Variants in SIMC1 observed in about 807,000 individuals in gnomAD.
SIMC1 encodes SUMO-interacting motif-containing protein 1.
SIMC1 carries 55 observed loss-of-function variants against 82.3 expected under a neutral mutation model. The ratio of observed to expected loss-of-function variants is 0.67; its 90% CI spans 0.54 to 0.84. The LOEUF is 0.84. Ranked by LOEUF, SIMC1 falls within the 40% of genes least tolerant of loss-of-function variation. The pLI, the probability that SIMC1 is intolerant of heterozygous loss-of-function variation, is 0.00. For synonymous variants in SIMC1, 353 were observed against 426.3 expected (o/e 0.83, Z 2.12); for missense variants, 915 against 1,107.2 (o/e 0.83, Z 2.46).
chr5:176,336,911 C>G (rs1238422668), intron 8 of SIMC1, 35 bp downstream of exon 8: 1 of 1,612,522 alleles, frequency 6.2e-7, no homozygotes, highest in African/African-American at 1.3e-5. Flanking sequence ...AGGCCTAGAG[C>G]ACCTCTCTTT....
At chr5:176,319,218 C>A (rs538585443) in intron 5 of SIMC1, among the ~76,000 whole-genome samples, 3 of 152,332 alleles carry the variant, frequency 2.0e-5, no homozygotes, top group African/African-American at 7.2e-5. Flanking sequence ...ATGTGCTTAT[C>A]CTAGGTTTAT....
At chr5:176,299,034 T>A (rs1294698642) in intron 4 of SIMC1, among the ~76,000 whole-genome samples, 1 of 152,250 alleles carries the variant, frequency 6.6e-6, no homozygotes, top group Admixed American at 6.5e-5. Flanking sequence ...ATTAGCTGAA[T>A]GGACTAAAAA....
At chr5:176,251,556 GA>G (rs1416744458) in intron 1 of SIMC1, among the ~76,000 whole-genome samples, 2 of 151,552 alleles carry the variant, frequency 1.3e-5, no homozygotes, top group African/African-American at 4.8e-5. Context: ...GGCTGGATAT[GA>G]AATTCTGGGT....
chr5:176,271,572 G>A (rs1303142896), intron 1 of SIMC1, among the ~76,000 whole-genome samples: 3 of 151,936 alleles, frequency 2.0e-5, no homozygotes, highest in Non-Finnish European at 2.9e-5. Flanking sequence ...CCAGAGGCTA[G>A]GAAGGGGAGT....
intron 4 of SIMC1, chr5:176,308,380 A>G (rs2113330703): frequency 1.9e-6 from 3 of 1,587,146 alleles, no homozygotes; most frequent in Non-Finnish European, 2.6e-6. Context: ...GAGGCAGAGA[A>G]GTTGGCTGAA....
At chr5:176,338,922 G>A (rs1462191749) in intron 9 of SIMC1, among the ~76,000 whole-genome samples, 1 of 152,136 alleles carries the variant, frequency 6.6e-6, no homozygotes, top group Non-Finnish European at 1.5e-5. Flanking sequence ...TATAGAATGG[G>A]GATGATAGTA....
intron 4 of SIMC1, among the ~76,000 whole-genome samples, chr5:176,297,204 A>G (rs576600776): frequency 6.6e-5 from 10 of 152,334 alleles, no homozygotes; most frequent in African/African-American, 2.2e-4. Context: ...TGTATTGTCT[A>G]AAAAAGTTGA....
chr5:176,253,449 A>G (rs1044452350), intron 1 of SIMC1, among the ~76,000 whole-genome samples: 4 of 152,100 alleles, frequency 2.6e-5, no homozygotes, highest in Admixed American at 2.0e-4. Flanking sequence ...CCTGACCTCC[A>G]GTGATCCACC....
chr5:176,248,280 C>T (rs568913391), intron 1 of SIMC1, among the ~76,000 whole-genome samples: 98 of 152,168 alleles, frequency 6.4e-4, no homozygotes, highest in South Asian at 2.5e-3. Flanking sequence ...TCTTTTATTT[C>T]GTTGAGCAGT....
chr5:176,279,506 C>T (rs1252084691), intron 1 of SIMC1, among the ~76,000 whole-genome samples: 5 of 150,818 alleles, frequency 3.3e-5, no homozygotes, highest in Non-Finnish European at 1.5e-5. Flanking sequence ...TATTTCTTGC[C>T]TTCTGCTAGC....
chr5:176,321,160 T>C (rs898766163), intron 5 of SIMC1, among the ~76,000 whole-genome samples: 3 of 152,214 alleles, frequency 2.0e-5, no homozygotes, highest in Non-Finnish European at 4.4e-5. Flanking sequence ...TAAAATATAT[T>C]TTTTTACTTT....
intron 1 of SIMC1, among the ~76,000 whole-genome samples, chr5:176,256,361 T>G (rs1343774761): frequency 1.3e-5 from 2 of 152,290 alleles, no homozygotes; most frequent in East Asian, 3.9e-4. Context: ...TACTTATAAG[T>G]AAGTTTCTTC....
chr5:176,299,255 T>C lies in SIMC1; in HGVS notation c.1734+2935T>C, dbSNP rs1222549870. ...AAAAAAGTTTTTTACTTAGTAGGCA[T>C]AGTAACACACACCTGTTGTCCCAGC... On this transcript the variant is annotated intron_variant, in intron 4 of 9. Coordinates refer to ENST00000429602, the MANE Select transcript of SIMC1 (RefSeq NM_001308195.2). Among the ~76,000 whole-genome samples the C allele has an allele frequency of 2.0e-5, 3 of 152,272 alleles. No individual in the cohort carries two copies. In the East Asian group the frequency reaches 5.8e-4, roughly 29 times the overall value.
intron 4 of SIMC1, among the ~76,000 whole-genome samples, chr5:176,312,280 A>G (rs7723626): frequency 1.3e-4 from 20 of 151,906 alleles, no homozygotes; most frequent in African/African-American, 4.8e-4. Context: ...TCACGCCTAT[A>G]ATCCCAACAC....
chr5:176,269,799 G>A (rs561500805), intron 1 of SIMC1, among the ~76,000 whole-genome samples: 54 of 152,206 alleles, frequency 3.5e-4, no homozygotes, highest in Non-Finnish European at 5.4e-4. Flanking sequence ...AGGCTGGAGT[G>A]CAGTGGTGAC....
chr5:176,252,591 G>T (rs1294369739), intron 1 of SIMC1, among the ~76,000 whole-genome samples: 1 of 151,408 alleles, frequency 6.6e-6, no homozygotes, highest in African/African-American at 2.4e-5. Context: ...TGGCAGCCGG[G>T]AAGAGGCGCT....
intron 4 of SIMC1, among the ~76,000 whole-genome samples, chr5:176,303,215 CTGAGA>C (rs1764115801): frequency 2.0e-5 from 3 of 147,208 alleles, no homozygotes; most frequent in Admixed American, 6.9e-5. Context: ...TTGCAGTGAG[CTGAGA>C]TCACGCCACT....
At chr5:176,247,487 C>T (rs1226887979) in intron 1 of SIMC1, among the ~76,000 whole-genome samples, 2 of 151,824 alleles carry the variant, frequency 1.3e-5, no homozygotes, top group African/African-American at 2.4e-5. Context: ...TGTGTAAGTT[C>T]CTTGTAGATT....
At chr5:176,300,417 C>G (rs537006321) in intron 4 of SIMC1, among the ~76,000 whole-genome samples, 2 of 152,162 alleles carry the variant, frequency 1.3e-5, no homozygotes, top group Admixed American at 6.6e-5. Flanking sequence ...CTTCTGGGCT[C>G]AAGCTGTCCT....
Sources: allele counts gnomAD v4.1 joint callset (sites outside exome capture counted in the v4.1 genomes callset), GRCh38; gene constraint gnomAD v4.1.1; transcripts MANE v1.5; gene names NCBI Gene and HGNC (gene_info 2026-07-23, HGNC 2026-07-21).